Variants in PPP1R42 observed in about 807,000 individuals in gnomAD.
The protein encoded by PPP1R42 is leucine rich repeat containing 67.
In PPP1R42, 34 loss-of-function variants were observed where a neutral mutation model predicts 31.0. That is an observed-to-expected ratio of 1.10 (90% CI 0.83 to 1.46). The LOEUF is 1.46. Among genes scored for constraint, PPP1R42 ranks in the 40% most tolerant of loss-of-function variants. The pLI is 0.00. For missense variants in PPP1R42, 268 were observed against 303.0 expected, an observed-to-expected ratio of 0.88 and a Z score of 0.86; for synonymous variants, 103 against 109.8, an observed-to-expected ratio of 0.94 and a Z score of 0.39.
At chr8:67,015,583 A>T (rs1224373355) in intron 2 of PPP1R42, among the ~76,000 whole-genome samples, 2 of 151,942 alleles carry the variant, frequency 1.3e-5, no homozygotes, top group African/African-American at 4.8e-5. Context: ...ATTATATGAA[A>T]AAGAACATCA....
At position 67,012,993 on chromosome 8, in the gene PPP1R42, G is replaced by T. The variant is rs773065248; in HGVS notation, c.400C>A (p.Leu134Ile). ...TGAAGAGTTCTTGGATCAAACAGAAGCTTTTCCCCAAGGGGAAGCCTCTGA... is the reference window on the plus strand; with the variant it reads ...TGAAGAGTTCTTGGATCAAACAGAATCTTTTCCCCAAGGGGAAGCCTCTGA... ...ENQRLPLGEK[L>I]LFDPRTLHSL... The change falls in exon 4 of 8, where the codon CTT becomes ATT. Residue 134 changes from leucine (L) to isoleucine (I), a missense_variant. By Grantham distance (5) the Leu-to-Ile change is conservative. Transcript: ENST00000685739. 6.2e-7 allele frequency: 1 copy of T among 1,611,246 alleles called. No homozygotes were observed.
intron 1 of PPP1R42, among the ~76,000 whole-genome samples, chr8:67,021,601 C>G (rs999079360): frequency 3.3e-5 from 5 of 152,058 alleles, no homozygotes; most frequent in African/African-American, 7.2e-5. Context: ...TAGTATAACA[C>G]CTATGGACCC....
chr8:66,968,601 T>C (rs60471868), intron 7 of PPP1R42: 33,709 of 478,066 alleles, frequency 0.071, 1,629 homozygotes, highest in African/African-American at 0.18. Context: ...AGGCTGAGTA[T>C]TTTGTTTTTA....
intron 5 of PPP1R42, among the ~76,000 whole-genome samples, chr8:67,008,568 C>T (rs933456496): frequency 1.1e-4 from 17 of 151,878 alleles, no homozygotes; most frequent in Non-Finnish European, 1.8e-4. Flanking sequence ...ATTAGCTGGG[C>T]GTGGTGGCAC....
intron 7 of PPP1R42, among the ~76,000 whole-genome samples, chr8:66,977,112 C>A (rs1814699639): frequency 6.6e-6 from 1 of 151,640 alleles, no homozygotes; most frequent in African/African-American, 2.4e-5. Context: ...CAGCTCACTG[C>A]AACCTCCGCC....
rs553753925 is a variant in PPP1R42 at position 67,017,551 on chromosome 8, T to G, written c.129+68A>C. 13 of 892,428 alleles carry G rather than the reference T, an allele frequency of 1.5e-5. No individual in the cohort carries two copies. In the African/African-American group the frequency reaches 2.1e-4, roughly 14 times the overall value. 55.3% of individuals were successfully genotyped at this position (892,428 alleles called of 1,614,324 possible). On this transcript the variant is annotated intron_variant, in intron 2 of 7. Coordinates refer to ENST00000685739, the MANE Select transcript of PPP1R42 (RefSeq NM_001364910.1). ...AATATAGTTAAAATATTAGGTATGC[T>G]CCCAAACCAATTCCTAAATTTTACA... is the stretch of plus-strand genomic sequence containing the variant.
intron 1 of PPP1R42, among the ~76,000 whole-genome samples, chr8:67,028,252 A>G (rs1816462665): frequency 6.6e-6 from 1 of 152,014 alleles, no homozygotes. Context: ...CAGCCCCGCG[A>G]CCACCCCTCC....
At chr8:67,022,247 T>C (rs1406715372) in intron 1 of PPP1R42, among the ~76,000 whole-genome samples, 1 of 152,198 alleles carries the variant, frequency 6.6e-6, no homozygotes, top group Non-Finnish European at 1.5e-5. Flanking sequence ...AATTTGCCAT[T>C]CTCTACTTAT....
At chr8:66,977,746 T>C (rs1455620127) in intron 7 of PPP1R42, among the ~76,000 whole-genome samples, 2 of 152,114 alleles carry the variant, frequency 1.3e-5, no homozygotes, top group African/African-American at 4.8e-5. Flanking sequence ...CCTCAAGTGA[T>C]CCACCTGCCT....
rs563376158 is a variant in PPP1R42, at chr8:67,012,813, G to A, written c.435+145C>T. The A allele has an allele frequency of 6.8e-4, 414 of 611,718 alleles. 1 individual carries two copies. Among genetic ancestry groups the A allele is most frequent in the Middle Eastern group, 4.9e-3 (12 of 2,444 alleles). 37.9% of individuals were successfully genotyped at this position (611,718 alleles called of 1,614,324 possible). On this transcript the variant is annotated intron_variant, in intron 4 of 7. Transcript: ENST00000685739. ...TCTGAGATTGTACATGAGAAAATCAGCTTCAGTCCTCTGATAAGCTCTGAG... is the reference window on the plus strand; with the variant it reads ...TCTGAGATTGTACATGAGAAAATCAACTTCAGTCCTCTGATAAGCTCTGAG...
chr8:66,992,820 A>G (rs1370494507), intron 5 of PPP1R42, among the ~76,000 whole-genome samples: 1 of 152,228 alleles, frequency 6.6e-6, no homozygotes. Flanking sequence ...TCTATTCACA[A>G]GAGGAAGAAC....
intron 6 of PPP1R42, among the ~76,000 whole-genome samples, chr8:66,983,134 T>TA (rs1038503118): frequency 1.3e-5 from 2 of 152,038 alleles, no homozygotes; most frequent in Non-Finnish European, 2.9e-5. Context: ...ACACAAAAAA[T>TA]AAAAAAATTA....
chr8:67,017,695 C>T lies in PPP1R42; in HGVS notation c.53G>A (p.Arg18Gln), dbSNP rs760246540. Residue 18 changes from arginine to glutamine, a missense_variant, in exon 2 of 8, where the codon CGA (arginine) becomes CAA (glutamine). By Grantham distance (43) the Arg-to-Gln change is conservative. Coordinates refer to ENST00000685739, the MANE Select transcript of PPP1R42 (RefSeq NM_001364910.1). Reference protein sequence around the residue: ...LIARNSNLKPRKEETISQCLK... With the variant: ...LIARNSNLKPQKEETISQCLK... ...GCACTGTGAAATGGTTTCTTCTTTT[C>T]GGGGTTTAAGATTGCTGTTTCTGGC... The T allele has an allele frequency of 1.7e-5, 27 of 1,599,780 alleles. No homozygotes were observed. The highest frequency in any genetic ancestry group is 1.7e-4 in the Middle Eastern group (1 of 5,940).
At chr8:66,984,785 A>C in intron 6 of PPP1R42, 2 of 1,608,658 alleles carry the variant, frequency 1.2e-6, no homozygotes, top group Non-Finnish European at 1.7e-6. Flanking sequence ...ACTCGCATCA[A>C]ATTAGAAATT....
intron 5 of PPP1R42, among the ~76,000 whole-genome samples, chr8:67,005,541 T>C (rs1411522030): frequency 6.6e-6 from 1 of 152,200 alleles, no homozygotes; most frequent in African/African-American, 2.4e-5. Flanking sequence ...CAATATCCAA[T>C]AGGCATTTTA....
At chr8:66,988,564 C>T (rs1332807488) in intron 5 of PPP1R42, 47 bp from the exon 6 acceptor site, 1 of 1,517,254 alleles carries the variant, frequency 6.6e-7, no homozygotes, top group Non-Finnish European at 9.0e-7. Flanking sequence ...TCATATTTAC[C>T]AATACTTCTA....
At chr8:66,976,248 G>A (rs1188958477) in intron 7 of PPP1R42, among the ~76,000 whole-genome samples, 1 of 151,862 alleles carries the variant, frequency 6.6e-6, no homozygotes, top group Non-Finnish European at 1.5e-5. Context: ...CTAGTTGCAG[G>A]AAAAAAAGCT....
intron 7 of PPP1R42, among the ~76,000 whole-genome samples, chr8:66,981,340 A>AT (rs1327333272): frequency 6.8e-6 from 1 of 147,872 alleles, no homozygotes; most frequent in East Asian, 2.0e-4. Flanking sequence ...GTCGTGATAT[A>AT]TTTTTATTTT....
intron 1 of PPP1R42, among the ~76,000 whole-genome samples, chr8:67,025,732 C>T (rs1056881744): frequency 6.6e-6 from 1 of 151,958 alleles, no homozygotes; most frequent in Non-Finnish European, 1.5e-5. Flanking sequence ...AGGCCGGGTG[C>T]GGTGGCTCAT....
Sources: allele counts gnomAD v4.1 joint callset (sites outside exome capture counted in the v4.1 genomes callset), GRCh38; gene constraint gnomAD v4.1.1; transcripts MANE v1.5; gene names NCBI Gene and HGNC (gene_info 2026-07-23, HGNC 2026-07-21).